TOMM20: variants seen among roughly 807,000 people sequenced by gnomAD.
TOMM20 encodes mitochondrial import receptor subunit TOM20 homolog.
TOMM20 carries 10 observed loss-of-function variants against 22.1 expected under a neutral mutation model. The observed-to-expected ratio is 0.45, with a 90% CI of 0.28 to 0.77. The LOEUF (loss-of-function observed/expected upper bound fraction) is 0.77, where lower values mean the gene tolerates loss of function less well. Ranked by LOEUF, TOMM20 falls within the 30% of genes least tolerant of loss-of-function variation. TOMM20 has a pLI of 0.13. For missense variants in TOMM20, 121 were observed against 172.2 expected, an observed-to-expected ratio of 0.70 and a Z score of 1.66; for synonymous variants, 55 against 61.4, an observed-to-expected ratio of 0.90 and a Z score of 0.49.
At chr1:235,125,457 C>T (rs1434043191) in intron 1 of TOMM20, among the ~76,000 whole-genome samples, 2 of 151,780 alleles carry the variant, frequency 1.3e-5, no homozygotes, top group African/African-American at 4.8e-5. Flanking sequence ...CCTTGTGATC[C>T]GCCCGCCTCG....
At chr1:235,115,872 A>G (rs1159965656) in intron 3 of TOMM20, among the ~76,000 whole-genome samples, 1 of 152,132 alleles carries the variant, frequency 6.6e-6, no homozygotes, top group Non-Finnish European at 1.5e-5. Flanking sequence ...ATTATAAAAA[A>G]TTCAGGATCC....
chr1:235,119,568 A>C (rs1660896296), intron 3 of TOMM20, among the ~76,000 whole-genome samples: 1 of 152,216 alleles, frequency 6.6e-6, no homozygotes, highest in Non-Finnish European at 1.5e-5. Context: ...ACATCATATG[A>C]TATAGCAAGA....
At chr1:235,117,134 C>CATA (rs1660847895) in intron 3 of TOMM20, among the ~76,000 whole-genome samples, 2 of 30,374 alleles carry the variant, frequency 6.6e-5, no homozygotes, top group African/African-American at 2.6e-4. Flanking sequence ...GACTCCATCT[C>CATA]AAAAAAAAAA....
intron 3 of TOMM20, among the ~76,000 whole-genome samples, chr1:235,116,708 C>T (rs1245248845): frequency 8.6e-5 from 13 of 151,990 alleles, no homozygotes; most frequent in Non-Finnish European, 1.6e-4. Context: ...GAGATGCCAT[C>T]TCAAAAACAA....
At position 235,110,954 on chromosome 1, in the gene TOMM20, T is replaced by C. The variant is rs1284420214; in HGVS notation, c.*1110A>G. ...CTTTTCAAGTTTTCAGTCACAAGGTTGCAACTTACTCTCATCGTTTCACAA... is the reference window on the plus strand; with the variant it reads ...CTTTTCAAGTTTTCAGTCACAAGGTCGCAACTTACTCTCATCGTTTCACAA... On this transcript the variant is annotated 3_prime_UTR_variant, in exon 5 of 5. Transcript: ENST00000366607. 6.6e-6 allele frequency: 1 copy of C among 152,212 alleles called. No individual in the cohort carries two copies. Among genetic ancestry groups the C allele is most frequent in the Non-Finnish European group, 1.5e-5 (1 of 68,040 alleles). The allele number at this position is 152,212 out of a possible 1,614,324, so 9.4% of individuals were successfully genotyped here. A position where few individuals can be genotyped will look rare whatever the true frequency, so the allele number is the denominator to read the frequency against.
chr1:235,117,479 A>C (rs1425997924), intron 3 of TOMM20, among the ~76,000 whole-genome samples: 2 of 151,752 alleles, frequency 1.3e-5, no homozygotes, highest in Admixed American at 1.3e-4. Flanking sequence ...AAAAAACAAA[A>C]AAAAAAAAAA....
At chr1:235,126,490 A>G (rs1661024849) in intron 1 of TOMM20, among the ~76,000 whole-genome samples, 1 of 152,070 alleles carries the variant, frequency 6.6e-6, no homozygotes, top group Non-Finnish European at 1.5e-5. Flanking sequence ...AAAACATCAA[A>G]CAACAAAATA....
At chr1:235,112,755 C>T (rs976068769) in intron 4 of TOMM20, among the ~76,000 whole-genome samples, 1 of 152,186 alleles carries the variant, frequency 6.6e-6, no homozygotes, top group Non-Finnish European at 1.5e-5. Flanking sequence ...AATTAGGCTT[C>T]ATAGTGAATT....
intron 4 of TOMM20, among the ~76,000 whole-genome samples, chr1:235,112,580 A>G (rs1032541694): frequency 6.6e-6 from 1 of 152,134 alleles, no homozygotes; most frequent in Non-Finnish European, 1.5e-5. Context: ...CCTGAGCTCA[A>G]ATGAGTGCTA....
chr1:235,113,792 C>G lies in TOMM20; in HGVS notation c.369G>C (p.Leu123=). 1 of 1,612,320 alleles carries G rather than the reference C, an allele frequency of 6.2e-7. No homozygotes were observed. The highest frequency in any genetic ancestry group is 8.5e-7 in the Non-Finnish European group (1 of 1,179,650). The change falls in exon 4 of 5, where the codon CTG becomes CTC. Residue 123 remains leucine, a synonymous_variant. Coordinates refer to ENST00000366607, the MANE Select transcript of TOMM20 (RefSeq NM_014765.3). ...CCTGACTAATTGTTGGGAGCTTAGT[C>G]AGAAGCATCTGGAACACTGGTGGTG... ...TLPPPVFQML[L]TKLPTISQRI...
At chr1:235,120,782 G>T (rs75103680) in intron 2 of TOMM20, among the ~76,000 whole-genome samples, 142 of 144,712 alleles carry the variant, frequency 9.8e-4, no homozygotes, top group South Asian at 2.6e-3. Context: ...AGGCAGGATT[G>T]CTTGAACCCA....
intron 1 of TOMM20, chr1:235,127,818 G>T (rs1558131476): frequency 3.9e-6 from 2 of 518,636 alleles, no homozygotes; most frequent in Admixed American, 3.9e-5. Flanking sequence ...TCGCAGGTAT[G>T]AAATAAGACT....
chr1:235,122,096 G>A (rs1660940326), intron 2 of TOMM20, among the ~76,000 whole-genome samples: 1 of 151,868 alleles, frequency 6.6e-6, no homozygotes, highest in Admixed American at 6.6e-5. Context: ...TGTTCATACA[G>A]TAAGCTGTTT....
At chr1:235,114,039 T>A in intron 3 of TOMM20, 129 bp from the exon 4 acceptor site, 1 of 946,662 alleles carries the variant, frequency 1.1e-6, no homozygotes, top group Non-Finnish European at 1.5e-6. Context: ...AAATGACCTA[T>A]AATGCATTCA....
rs2102815310 is a variant in TOMM20, at chr1:235,128,445, G to C, written c.121+150C>G. On this transcript the variant is annotated intron_variant, in intron 1 of 4. Transcript: ENST00000366607. Reference sequence around the variant, plus strand: ...TTCCTACGGGGCACTAGAGCCCCCGGAGCGGCGCAGCCAGCGCCATCGCCT... The same window carrying C: ...TTCCTACGGGGCACTAGAGCCCCCGCAGCGGCGCAGCCAGCGCCATCGCCT... 4.8e-6 allele frequency: 6 copies of C among 1,249,132 alleles called. No individual in the cohort carries two copies. The South Asian group carries it at 5.7e-5, about 12-fold the overall frequency. The allele number at this position is 1,249,132 out of a possible 1,614,324, so 77.4% of individuals were successfully genotyped here. A position where few individuals can be genotyped will look rare whatever the true frequency, so the allele number is the denominator to read the frequency against.
intron 3 of TOMM20, 52 bp downstream of exon 3, chr1:235,119,766 C>T (rs1453522068): frequency 1.6e-6 from 2 of 1,247,114 alleles, no homozygotes; most frequent in Non-Finnish European, 2.3e-6. Context: ...TTATAAATTT[C>T]TATCAGTGAG....
rs1660703906 is a variant in TOMM20, at chr1:235,109,703, T to C, written c.*2361A>G. The stretch of plus-strand genomic sequence containing the variant: ...AGCCAGTAAGTCTATGTTTTCAATG[T>C]TCTTTCGCTTTTAAGTACAAATTGT... On this transcript the variant is annotated 3_prime_UTR_variant, in exon 5 of 5. Coordinates refer to ENST00000366607, the MANE Select transcript of TOMM20 (RefSeq NM_014765.3). The C allele has an allele frequency of 6.6e-6, 1 of 152,272 alleles. No individual in the cohort carries two copies. Among genetic ancestry groups the C allele is most frequent in the Non-Finnish European group, 1.5e-5 (1 of 68,040 alleles). 9.4% of individuals were successfully genotyped at this position (152,272 alleles called of 1,614,324 possible). A position where few individuals can be genotyped will look rare whatever the true frequency, so the allele number is the denominator to read the frequency against.
chr1:235,128,507 C>A (rs1661074393), intron 1 of TOMM20, 88 bp downstream of exon 1: 2 of 1,593,780 alleles, frequency 1.3e-6, no homozygotes, highest in African/African-American at 1.3e-5. Context: ...CTGCGCGGCC[C>A]ACAGGCTGGT....
chr1:235,123,749 A>G (rs1438374875), intron 1 of TOMM20, among the ~76,000 whole-genome samples: 1 of 152,220 alleles, frequency 6.6e-6, no homozygotes, highest in Non-Finnish European at 1.5e-5. Context: ...ATCACCGCAC[A>G]ACTAACTGTG....
Sources: allele counts gnomAD v4.1 joint callset (sites outside exome capture counted in the v4.1 genomes callset), GRCh38; gene constraint gnomAD v4.1.1; transcripts MANE v1.5; gene names NCBI Gene and HGNC (gene_info 2026-07-23, HGNC 2026-07-21).